The following PRKCE variants were observed in gnomAD, a reference collection of about 807,000 sequenced individuals.
PRKCE encodes protein kinase C epsilon type.
A neutral mutation model predicts 85.4 loss-of-function variants in PRKCE; 16 were observed. That is an observed-to-expected ratio of 0.19 (90% CI 0.13 to 0.28). PRKCE has a LOEUF of 0.28. Ranked by LOEUF, PRKCE falls within the 10% of genes least tolerant of loss-of-function variation. The pLI, the probability that PRKCE is intolerant of heterozygous loss-of-function variation, is 1.00. For missense variants in PRKCE, 573 were observed against 975.2 expected, an observed-to-expected ratio of 0.59 and a Z score of 5.49; for synonymous variants, 388 against 371.5, an observed-to-expected ratio of 1.04 and a Z score of -0.51.
intron 2 of PRKCE, among the ~76,000 whole-genome samples, chr2:45,960,649 G>T (rs543010694): frequency 1.3e-5 from 2 of 152,222 alleles, no homozygotes; most frequent in South Asian, 2.1e-4. Flanking sequence ...GTGCAGCCAG[G>T]TTCCTAACAG....
chr2:45,711,174 C>G (rs1015273869), intron 1 of PRKCE, among the ~76,000 whole-genome samples: 3 of 152,228 alleles, frequency 2.0e-5, no homozygotes, highest in Non-Finnish European at 2.9e-5. Context: ...AGGCAAGGTA[C>G]TTATCCCCTT....
At chr2:46,011,760 T>A (rs1574221812) in intron 10 of PRKCE, among the ~76,000 whole-genome samples, 1 of 152,116 alleles carries the variant, frequency 6.6e-6, no homozygotes, top group East Asian at 1.9e-4. Flanking sequence ...GGGTCCCCCA[T>A]CTCTCTCTTA....
chr2:46,075,060 A>T (rs1295878065), intron 10 of PRKCE, among the ~76,000 whole-genome samples: 1 of 152,126 alleles, frequency 6.6e-6, no homozygotes, highest in Admixed American at 6.5e-5. Context: ...TCTTGTTTTG[A>T]GACGGAGTCT....
At chr2:45,656,828 C>T (rs1243790274) in intron 1 of PRKCE, among the ~76,000 whole-genome samples, 1 of 152,156 alleles carries the variant, frequency 6.6e-6, no homozygotes, top group Non-Finnish European at 1.5e-5. Context: ...GAGAGGGCTC[C>T]AGATAATTAA....
At chr2:46,123,997 G>C (rs1014364185) in intron 11 of PRKCE, among the ~76,000 whole-genome samples, 3 of 152,166 alleles carry the variant, frequency 2.0e-5, no homozygotes, top group African/African-American at 7.2e-5. Flanking sequence ...AGCCATCCTG[G>C]GTTGAAAAGT....
chr2:46,132,074 G>A (rs578234391), intron 11 of PRKCE, among the ~76,000 whole-genome samples: 147 of 152,038 alleles, frequency 9.7e-4, no homozygotes, highest in African/African-American at 3.5e-3. Context: ...ATCTGCCTGG[G>A]CCTCAGCTGG....
intron 2 of PRKCE, among the ~76,000 whole-genome samples, chr2:45,847,332 TA>T (rs1420948155): frequency 6.6e-6 from 1 of 152,200 alleles, no homozygotes; most frequent in African/African-American, 2.4e-5. Context: ...AGCCCTTGGG[TA>T]AAAGGCCTTT....
chr2:45,853,830 C>T (rs192699245), intron 2 of PRKCE, among the ~76,000 whole-genome samples: 66 of 152,224 alleles, frequency 4.3e-4, no homozygotes, highest in African/African-American at 1.5e-3. Flanking sequence ...CTTACTGTAT[C>T]GGATACTTAC....
At chr2:45,832,427 C>G (rs1175431028) in intron 1 of PRKCE, among the ~76,000 whole-genome samples, 1 of 151,620 alleles carries the variant, frequency 6.6e-6, no homozygotes, top group Non-Finnish European at 1.5e-5. Flanking sequence ...ATTCTTCTGC[C>G]TCAGCCTCCC....
At chr2:46,028,663 A>G (rs903003821) in intron 10 of PRKCE, among the ~76,000 whole-genome samples, 1 of 152,184 alleles carries the variant, frequency 6.6e-6, no homozygotes. Flanking sequence ...ATAATAACTG[A>G]TGTTCTTTTT....
intron 13 of PRKCE, among the ~76,000 whole-genome samples, chr2:46,156,535 G>T (rs1677220309): frequency 6.6e-6 from 1 of 152,248 alleles, no homozygotes; most frequent in Non-Finnish European, 1.5e-5. Flanking sequence ...AAGGAGAGAA[G>T]GGATTTTCAC....
intron 12 of PRKCE, 136 bp from the exon 13 acceptor site, chr2:46,150,905 A>G: frequency 1.4e-6 from 1 of 704,686 alleles, no homozygotes; most frequent in Non-Finnish European, 2.2e-6. Flanking sequence ...TTGCTGATTT[A>G]GAACTTCTAG....
At chr2:46,091,941 G>T (rs1290006141) in intron 11 of PRKCE, among the ~76,000 whole-genome samples, 6 of 152,162 alleles carry the variant, frequency 3.9e-5, no homozygotes, top group African/African-American at 1.4e-4. Context: ...AAATGATAAA[G>T]TAGTAGTCAT....
intron 2 of PRKCE, among the ~76,000 whole-genome samples, chr2:45,867,788 A>G (rs1021321526): frequency 6.6e-6 from 1 of 152,148 alleles, no homozygotes; most frequent in African/African-American, 2.4e-5. Flanking sequence ...TATTGCTGGC[A>G]TATAGCAGTT....
At position 45,697,733 on chromosome 2, in the gene PRKCE, TCTTA is replaced by T. The variant is rs1192988099; in HGVS notation, c.348+45289_348+45292del. ...GTTACTTCCTGTTTCACAGCCCCTC[TCTTA>T]CTTTGAGGTTCCCATTTCCAGACTG... On this transcript the variant is annotated intron_variant, in intron 1 of 14. Coordinates refer to ENST00000306156, the MANE Select transcript of PRKCE (RefSeq NM_005400.3). This position sits in a 1 kb window ranked among gnomAD's most constrained non-coding sequence, Gnocchi z 4.2. 6.6e-6 allele frequency among the ~76,000 whole-genome samples: 1 copy of T among 152,172 alleles called. No homozygotes were observed. Among genetic ancestry groups the T allele is most frequent in the Admixed American group, 6.5e-5 (1 of 15,280 alleles).
At chr2:45,776,596 T>C (rs577821219) in intron 1 of PRKCE, among the ~76,000 whole-genome samples, 1 of 152,312 alleles carries the variant, frequency 6.6e-6, no homozygotes, top group African/African-American at 2.4e-5. Context: ...CGCAAACTTA[T>C]TTGCTTTTAA....
chr2:45,779,166 C>G (rs1174312421), intron 1 of PRKCE, among the ~76,000 whole-genome samples: 2 of 152,158 alleles, frequency 1.3e-5, no homozygotes, highest in East Asian at 3.8e-4. Flanking sequence ...CCTGGACTAC[C>G]TAGGTAGTAT....
At chr2:46,072,465 A>G (rs1448244483) in intron 10 of PRKCE, among the ~76,000 whole-genome samples, 1 of 152,254 alleles carries the variant, frequency 6.6e-6, no homozygotes, top group Non-Finnish European at 1.5e-5. Flanking sequence ...AGCCATGCAT[A>G]TGAATCCAAC....
At chr2:45,766,590 C>G (rs1684929579) in intron 1 of PRKCE, among the ~76,000 whole-genome samples, 1 of 152,168 alleles carries the variant, frequency 6.6e-6, no homozygotes, top group Admixed American at 6.5e-5. Flanking sequence ...GTGTTTCTAA[C>G]CAGTGAGAAA....
Sources: gnomAD v4.1 joint callset for allele counts (sites outside exome capture counted in the v4.1 genomes callset) on GRCh38, gnomAD v4.1.1 for gene constraint, Gnocchi (gnomAD v3.1) non-coding constraint, MANE v1.5 for transcripts, NCBI Gene and HGNC (gene_info 2026-07-23, HGNC 2026-07-21) for gene names.